Variants in PLCL1 observed in about 807,000 individuals in gnomAD.
PLCL1 encodes the protein phospholipase C like 1 (inactive), also known as inactive phospholipase C-like protein 1.
In PLCL1, 41 loss-of-function variants were observed where a neutral mutation model predicts 84.4. The observed-to-expected ratio is 0.49, with a 90% CI of 0.38 to 0.63. The LOEUF (loss-of-function observed/expected upper bound fraction) is 0.63, where lower values mean the gene tolerates loss of function less well. Among genes scored for constraint, PLCL1 ranks in the 30% least tolerant of loss-of-function variants. The pLI, the probability that PLCL1 is intolerant of heterozygous loss-of-function variation, is 0.00. For synonymous variants in PLCL1, 490 were observed against 488.3 expected, an observed-to-expected ratio of 1.00 and a Z score of -0.05; for missense variants, 1,206 against 1,367.8, an observed-to-expected ratio of 0.88 and a Z score of 1.87.
At chr2:198,093,438 A>C (rs1693102521) in intron 3 of PLCL1, among the ~76,000 whole-genome samples, 1 of 152,190 alleles carries the variant, frequency 6.6e-6, no homozygotes, top group African/African-American at 2.4e-5. Context: ...CTTTTTATGC[A>C]AACTTGAAAC....
At chr2:197,894,037 A>G (rs1449776548) in intron 1 of PLCL1, among the ~76,000 whole-genome samples, 1 of 151,812 alleles carries the variant, frequency 6.6e-6, no homozygotes, top group African/African-American at 2.4e-5. Flanking sequence ...GGTGGGGGGT[A>G]GTGCCAGCCT....
chr2:197,809,904 C>T (rs1445278227), intron 1 of PLCL1, among the ~76,000 whole-genome samples: 2 of 151,888 alleles, frequency 1.3e-5, no homozygotes, highest in Non-Finnish European at 2.9e-5. Flanking sequence ...AAATTTTAGG[C>T]ACTCTATGGA....
At chr2:198,097,323 T>C (rs1406227521) in intron 3 of PLCL1, among the ~76,000 whole-genome samples, 1 of 152,198 alleles carries the variant, frequency 6.6e-6, no homozygotes, top group Non-Finnish European at 1.5e-5. Context: ...CCAGGATCTC[T>C]AGGACCATGG....
chr2:197,855,734 T>TG (rs1248648170), intron 1 of PLCL1, among the ~76,000 whole-genome samples: 12 of 152,298 alleles, frequency 7.9e-5, no homozygotes, highest in African/African-American at 2.6e-4. Context: ...CTTCTCCACT[T>TG]GGGTTAGTCT....
intron 1 of PLCL1, among the ~76,000 whole-genome samples, chr2:197,988,847 A>G (rs1690275921): frequency 1.3e-5 from 2 of 152,340 alleles, no homozygotes; most frequent in South Asian, 4.1e-4. Flanking sequence ...CCAGCAGTGT[A>G]TAAGTGTTCC....
chr2:198,132,593 G>T lies in PLCL1; in HGVS notation c.3106-14187G>T, dbSNP rs190741915. On this transcript the variant is annotated intron_variant, in intron 5 of 5. Coordinates refer to ENST00000428675, the MANE Select transcript of PLCL1 (RefSeq NM_006226.4). ...GTAAGATATTCTGGGAAGAAATCTG[G>T]ATAGGAAGGATTAGGGAGGCCTTAT... is the stretch of plus-strand genomic sequence containing the variant. Among the ~76,000 whole-genome samples the T allele has an allele frequency of 1.6e-4, 25 of 152,228 alleles. No individual in the cohort carries two copies. In the East Asian group the frequency reaches 4.1e-3, roughly 25 times the overall value.
In PLCL1 at chr2:197,886,360, C is replaced by T. The variant is rs149274638; in HGVS notation, c.240+81021C>T. Among the ~76,000 whole-genome samples, 717 of 128,762 alleles carry T rather than the reference C, an allele frequency of 5.6e-3. 7 individuals are homozygous for T. The highest frequency in any genetic ancestry group is 0.019 in the African/African-American group (663 of 34,672). 84.5% of individuals were successfully genotyped at this position (128,762 alleles called of 152,430 possible). On this transcript the variant is annotated intron_variant, in intron 1 of 5. Transcript: ENST00000428675. ...CCGGGAGGTGGAGGTTGCAGTGAGC[C>T]GAGGTCACACCATTGCACTCCAGCC... is the stretch of plus-strand genomic sequence containing the variant.
At position 198,049,038 on chromosome 2, in the gene PLCL1, G is replaced by A. The variant is rs118134795; in HGVS notation, c.241-34720G>A. Among the ~76,000 whole-genome samples the A allele has an allele frequency of 5.3e-4, 80 of 152,266 alleles. No homozygotes were observed. In the East Asian group the frequency reaches 0.013, roughly 25 times the overall value. Reference sequence around the variant, plus strand: ...GGGTGGGAGAGTGATGGAACATAAGGGAACTAAGGTACCACTTGGGTCAGC... The same window carrying A: ...GGGTGGGAGAGTGATGGAACATAAGAGAACTAAGGTACCACTTGGGTCAGC... On this transcript the variant is annotated intron_variant, in intron 1 of 5. Coordinates refer to ENST00000428675, the MANE Select transcript of PLCL1 (RefSeq NM_006226.4).
At position 198,084,391 on chromosome 2, in the gene PLCL1, G is replaced by C; in HGVS notation, c.874G>C (p.Glu292Gln). Residue 292 changes from glutamate to glutamine, a missense_variant, in exon 2 of 6, where the codon GAA (glutamate) becomes CAA (glutamine). By Grantham distance (29) the Glu-to-Gln change is conservative. Transcript: ENST00000428675. ...LKFKEIQKSK[E>Q]KLTTRVTEEE... ...GTTTAAAGAAATCCAGAAGAGCAAG[G>C]AAAAACTAACCACCCGCGTGACCGA... The C allele has an allele frequency of 1.2e-6, 2 of 1,614,130 alleles. No homozygotes were observed. The highest frequency in any genetic ancestry group is 1.7e-6 in the Non-Finnish European group (2 of 1,179,994).
In PLCL1 at chr2:198,086,106, G is replaced by C; in HGVS notation, c.2589G>C (p.Val863=). ...GGKAQKRSLS[V]RMGKKVREYT... ...AGGCACAGAAGCGCAGTCTTTCAGTGAGAATGGGGAAGAAAGTTCGGGAAT... is the reference window on the plus strand; with the variant it reads ...AGGCACAGAAGCGCAGTCTTTCAGTCAGAATGGGGAAGAAAGTTCGGGAAT... The change falls in exon 2 of 6, where the codon GTG becomes GTC. Residue 863 remains valine (V), a synonymous_variant. Coordinates refer to ENST00000428675, the MANE Select transcript of PLCL1 (RefSeq NM_006226.4). The C allele has an allele frequency of 6.2e-7, 1 of 1,614,050 alleles. No individual in the cohort carries two copies. Among genetic ancestry groups the C allele is most frequent in the Non-Finnish European group, 8.5e-7 (1 of 1,179,966 alleles).
At chr2:198,006,884 G>C (rs1690741028) in intron 1 of PLCL1, among the ~76,000 whole-genome samples, 1 of 152,154 alleles carries the variant, frequency 6.6e-6, no homozygotes, top group South Asian at 2.1e-4. Context: ...AGTTTCTAAA[G>C]GCACCTGCTT....
chr2:198,047,431 C>A (rs986020122), intron 1 of PLCL1, among the ~76,000 whole-genome samples: 1 of 152,090 alleles, frequency 6.6e-6, no homozygotes, highest in Non-Finnish European at 1.5e-5. Flanking sequence ...ACCCGCCCAC[C>A]TTGGCCTTTC....
At chr2:197,853,283 G>A (rs1223935039) in intron 1 of PLCL1, among the ~76,000 whole-genome samples, 1 of 152,134 alleles carries the variant, frequency 6.6e-6, no homozygotes, top group Non-Finnish European at 1.5e-5. Context: ...GGACCCTTGT[G>A]TTGCTTCCAC....
At chr2:197,978,277 C>T (rs964142444) in intron 1 of PLCL1, among the ~76,000 whole-genome samples, 2 of 152,048 alleles carry the variant, frequency 1.3e-5, no homozygotes, top group African/African-American at 4.8e-5. Flanking sequence ...GAGATAGAGA[C>T]CATCCTGGCT....
intron 1 of PLCL1, among the ~76,000 whole-genome samples, chr2:197,864,102 A>G (rs902590934): frequency 2.6e-5 from 4 of 152,200 alleles, no homozygotes; most frequent in Admixed American, 2.6e-4. Context: ...AAAATAGATC[A>G]TGCCAGGTAA....
intron 1 of PLCL1, among the ~76,000 whole-genome samples, chr2:197,853,605 G>A (rs985500959): frequency 2.0e-5 from 3 of 152,140 alleles, no homozygotes; most frequent in African/African-American, 4.8e-5. Context: ...GCAACAAAAC[G>A]TGTAGTTTCT....
chr2:197,961,316 G>T (rs1324765378), intron 1 of PLCL1, among the ~76,000 whole-genome samples: 3 of 151,022 alleles, frequency 2.0e-5, no homozygotes, highest in Admixed American at 6.6e-5. Context: ...TTGCTTGGGA[G>T]GTGTATGCTT....
intron 1 of PLCL1, among the ~76,000 whole-genome samples, chr2:197,977,293 A>G (rs1690006616): frequency 6.6e-6 from 1 of 150,388 alleles, no homozygotes; most frequent in Non-Finnish European, 1.5e-5. Flanking sequence ...CCCTCACCTA[A>G]CCCCCTGTTG....
intron 1 of PLCL1, among the ~76,000 whole-genome samples, chr2:198,012,930 A>G (rs1690906809): frequency 6.6e-6 from 1 of 152,072 alleles, no homozygotes; most frequent in South Asian, 2.1e-4. Context: ...ACTGTATTTT[A>G]AACTGATAAC....
Sources: gnomAD v4.1 joint callset for allele counts (sites outside exome capture counted in the v4.1 genomes callset) on GRCh38, gnomAD v4.1.1 for gene constraint, MANE v1.5 for transcripts, NCBI Gene and HGNC (gene_info 2026-07-23, HGNC 2026-07-21) for gene names.